Variants in FRMD5 observed in about 807,000 individuals in gnomAD.
FRMD5 encodes the protein FERM domain containing 5.
Under a neutral mutation model 69.0 loss-of-function variants are expected in FRMD5, and 20 were observed. The ratio of observed to expected loss-of-function variants is 0.29; its 90% CI spans 0.20 to 0.42. The LOEUF (loss-of-function observed/expected upper bound fraction) is 0.42, where lower values mean the gene tolerates loss of function less well. Ranked by LOEUF, FRMD5 falls within the 10% of genes least tolerant of loss-of-function variation. The pLI is 1.00. For synonymous variants in FRMD5, 271 were observed against 260.1 expected (o/e 1.04, Z -0.40); for missense variants, 595 against 708.6 (o/e 0.84, Z 1.82).
At chr15:44,129,957 T>A (rs2077075909) in intron 1 of FRMD5, among the ~76,000 whole-genome samples, 1 of 152,260 alleles carries the variant, frequency 6.6e-6, no homozygotes, top group African/African-American at 2.4e-5. Flanking sequence ...CCAGAGAACA[T>A]CAGCTTGGGG....
In FRMD5 at chr15:43,873,173, C is replaced by G; in HGVS notation, c.*712G>C. 6.5e-7 allele frequency: 1 copy of G among 1,550,350 alleles called. No individual in the cohort carries two copies. Among genetic ancestry groups the G allele is most frequent in the Non-Finnish European group, 8.7e-7 (1 of 1,146,818 alleles). On this transcript the variant is annotated 3_prime_UTR_variant, in exon 14 of 14. Transcript: ENST00000417257. ...CTAGACTAAGGGGACAGACTTACCC[C>G]ACCCCTGATGCTGCTGTTGCTGTAG...
At chr15:44,011,634 A>G (rs1890727148) in intron 1 of FRMD5, among the ~76,000 whole-genome samples, 1 of 152,206 alleles carries the variant, frequency 6.6e-6, no homozygotes, top group East Asian at 1.9e-4. Context: ...GATGCCATGA[A>G]AGTGGATGAG....
At chr15:44,130,530 G>T (rs919073815) in intron 1 of FRMD5, among the ~76,000 whole-genome samples, 1 of 152,088 alleles carries the variant, frequency 6.6e-6, no homozygotes, top group African/African-American at 2.4e-5. Flanking sequence ...CTTCTTCAAA[G>T]TTCTAAAAAA....
In FRMD5 at chr15:43,956,925, C is replaced by A. The variant is rs1182912758; in HGVS notation, c.103-32616G>T. 3.3e-5 allele frequency among the ~76,000 whole-genome samples: 5 copies of A among 152,172 alleles called. No homozygotes were observed. In the East Asian group the frequency reaches 9.6e-4, roughly 29 times the overall value. ...GCAATCCCATTTCTTCCAATTCTAT[C>A]ATCTATGAAAATGAAGATTTACCAT... On this transcript the variant is annotated intron_variant, in intron 1 of 13. Coordinates refer to ENST00000417257, the MANE Select transcript of FRMD5 (RefSeq NM_032892.5).
chr15:44,052,401 TC>T (rs1266263184), intron 1 of FRMD5, among the ~76,000 whole-genome samples: 1 of 152,142 alleles, frequency 6.6e-6, no homozygotes, highest in African/African-American at 2.4e-5. Context: ...ATATTTCCTG[TC>T]CCCATCCTAG....
chr15:44,132,274 C>T (rs1415491356), intron 1 of FRMD5, among the ~76,000 whole-genome samples: 7 of 152,280 alleles, frequency 4.6e-5, no homozygotes, highest in Middle Eastern at 3.4e-3. Context: ...CACCTCTTGC[C>T]GTGTGGCCTG....
At chr15:43,904,476 C>A (rs969100273) in intron 6 of FRMD5, among the ~76,000 whole-genome samples, 1 of 152,106 alleles carries the variant, frequency 6.6e-6, no homozygotes, top group African/African-American at 2.4e-5. Flanking sequence ...TCAAGTAATT[C>A]TCATGCCTCA....
intron 1 of FRMD5, among the ~76,000 whole-genome samples, chr15:44,074,193 C>T (rs554332790): frequency 4.4e-4 from 67 of 152,172 alleles, no homozygotes; most frequent in Middle Eastern, 3.4e-3. Context: ...TTTTAGTCTG[C>T]GTGTTCAGAA....
At chr15:44,196,750 C>T (rs7180609), upstream of FRMD5, among the ~76,000 whole-genome samples, 5 of 67,170 alleles carry the variant, frequency 7.4e-5, no homozygotes, top group African/African-American at 2.5e-4. Context: ...CTCTCTCTCT[C>T]TTTCTCTCTC....
intron 1 of FRMD5, among the ~76,000 whole-genome samples, chr15:43,956,743 G>A (rs991414547): frequency 6.6e-6 from 1 of 152,188 alleles, no homozygotes; most frequent in African/African-American, 2.4e-5. Context: ...TCATATGTAC[G>A]TGTGTCCATC....
intron 1 of FRMD5, among the ~76,000 whole-genome samples, chr15:43,941,216 A>G (rs1434564112): frequency 6.6e-6 from 1 of 152,124 alleles, no homozygotes; most frequent in Non-Finnish European, 1.5e-5. Flanking sequence ...AAAATACAAA[A>G]AATTAGCCAG....
At chr15:44,151,561 A>G (rs573192709) in intron 1 of FRMD5, among the ~76,000 whole-genome samples, 1 of 152,290 alleles carries the variant, frequency 6.6e-6, no homozygotes, top group South Asian at 2.1e-4. Context: ...CCAAGGAGGT[A>G]AAAGATTCAT....
intron 13 of FRMD5, among the ~76,000 whole-genome samples, chr15:43,882,034 G>A (rs1159288846): frequency 1.3e-5 from 2 of 152,120 alleles, no homozygotes; most frequent in African/African-American, 4.8e-5. Flanking sequence ...GCTGTTTCCC[G>A]CTGTGTGAGA....
intron 1 of FRMD5, among the ~76,000 whole-genome samples, chr15:44,046,621 G>T (rs1409343277): frequency 2.0e-5 from 3 of 152,166 alleles, no homozygotes; most frequent in Non-Finnish European, 4.4e-5. Flanking sequence ...AGCTGACTCT[G>T]ACACACATTT....
At chr15:44,036,159 C>A (rs755277965) in intron 1 of FRMD5, among the ~76,000 whole-genome samples, 10 of 152,136 alleles carry the variant, frequency 6.6e-5, no homozygotes, top group Non-Finnish European at 1.5e-4. Flanking sequence ...ACCAGAAATG[C>A]CTACTCCAAA....
chr15:44,043,733 T>G (rs974668983), intron 1 of FRMD5, among the ~76,000 whole-genome samples: 1 of 152,176 alleles, frequency 6.6e-6, no homozygotes, highest in Non-Finnish European at 1.5e-5. Context: ...TGCAGAAAGC[T>G]GAAACTGGAT....
At chr15:44,011,032 G>A (rs1357220384) in intron 1 of FRMD5, among the ~76,000 whole-genome samples, 1 of 152,132 alleles carries the variant, frequency 6.6e-6, no homozygotes, top group African/African-American at 2.4e-5. Flanking sequence ...TGGAAAAGAG[G>A]TACAGATAAT....
chr15:44,025,372 A>G (rs1891386568), intron 1 of FRMD5, among the ~76,000 whole-genome samples: 1 of 152,196 alleles, frequency 6.6e-6, no homozygotes, highest in African/African-American at 2.4e-5. Context: ...GAAGTTAGAT[A>G]TTGATAAGAA....
intron 1 of FRMD5, among the ~76,000 whole-genome samples, chr15:44,031,384 T>C (rs927015199): frequency 6.6e-5 from 10 of 152,166 alleles, no homozygotes; most frequent in African/African-American, 2.4e-4. Context: ...CTGGGTGGCT[T>C]ATAAACAACA....
Sources: gnomAD v4.1 joint callset for allele counts (sites outside exome capture counted in the v4.1 genomes callset) on GRCh38, gnomAD v4.1.1 for gene constraint, MANE v1.5 for transcripts, NCBI Gene and HGNC (gene_info 2026-07-23, HGNC 2026-07-21) for gene names.